The following TPR variants were observed in gnomAD, a reference collection of about 807,000 sequenced individuals.
TPR encodes nucleoprotein TPR.
TPR carries 51 observed loss-of-function variants against 316.1 expected under a neutral mutation model. That is an observed-to-expected ratio of 0.16 (90% CI 0.13 to 0.20). The LOEUF (loss-of-function observed/expected upper bound fraction) is 0.20, where lower values mean the gene tolerates loss of function less well. TPR is among the 10% of genes least tolerant of loss of function. The pLI, the probability that TPR is intolerant of heterozygous loss-of-function variation, is 1.00. For synonymous variants in TPR, 981 were observed against 914.7 expected, an observed-to-expected ratio of 1.07 and a Z score of -1.31; for missense variants, 2,272 against 2,754.8, an observed-to-expected ratio of 0.82 and a Z score of 3.92.
chr1:186,368,821 C>A (rs1377391103), intron 3 of TPR, among the ~76,000 whole-genome samples: 1 of 151,472 alleles, frequency 6.6e-6, no homozygotes, highest in Non-Finnish European at 1.5e-5. Context: ...ACAATCATTA[C>A]CAAGGCCAAT....
intron 30 of TPR, among the ~76,000 whole-genome samples, chr1:186,339,433 TTA>T (rs1318850826): frequency 6.6e-6 from 1 of 152,116 alleles, no homozygotes; most frequent in Non-Finnish European, 1.5e-5. Context: ...AGAGAAATAA[TTA>T]TGAGGATAGT....
chr1:186,363,032 G>T, intron 5 of TPR, 31 bp from the exon 6 acceptor site: 7 of 1,570,234 alleles, frequency 4.5e-6, no homozygotes, highest in Non-Finnish European at 5.1e-6. Flanking sequence ...AACACGTACA[G>T]TTAAAGATGA....
In TPR at chr1:186,313,440, A is replaced by G; in HGVS notation, c.*531T>C. The G allele has an allele frequency of 2.1e-6, 1 of 470,706 alleles. No individual in the cohort carries two copies. Among genetic ancestry groups the G allele is most frequent in the South Asian group, 2.7e-5 (1 of 37,100 alleles). 29.2% of individuals were successfully genotyped at this position (470,706 alleles called of 1,614,324 possible). A position where few individuals can be genotyped will look rare whatever the true frequency, so the allele number is the denominator to read the frequency against. On this transcript the variant is annotated 3_prime_UTR_variant, in exon 51 of 51. Transcript: ENST00000367478. The stretch of plus-strand genomic sequence containing the variant: ...GGTTACTCTTTAATGTTTACTTCAT[A>G]AAGGAGAGCTGAACCTGATTTTACA...
chr1:186,353,259 C>G (rs1658923248), intron 18 of TPR, among the ~76,000 whole-genome samples: 1 of 151,922 alleles, frequency 6.6e-6, no homozygotes, highest in South Asian at 2.1e-4. Context: ...GTAGTCCCAG[C>G]TACTCAGGAG....
chr1:186,331,388 A>G, intron 39 of TPR, 110 bp downstream of exon 39: 2 of 694,288 alleles, frequency 2.9e-6, no homozygotes, highest in Non-Finnish European at 2.4e-6. Context: ...TTCATTACAT[A>G]TAATAAGAAC....
chr1:186,333,641 T>A (rs559321812), intron 36 of TPR, among the ~76,000 whole-genome samples: 1 of 152,316 alleles, frequency 6.6e-6, no homozygotes, highest in East Asian at 1.9e-4. Context: ...TTCATTTAAA[T>A]TACTGTTGAA....
chr1:186,360,092 A>C, intron 11 of TPR, 96 bp from the exon 12 acceptor site: 1 of 1,406,154 alleles, frequency 7.1e-7, no homozygotes, highest in African/African-American at 1.4e-5. Flanking sequence ...ACACTAACAC[A>C]AAATGGCAAT....
intron 38 of TPR, 30 bp from the exon 39 acceptor site, chr1:186,331,611 A>G (rs781593611): frequency 3.4e-6 from 5 of 1,482,410 alleles, no homozygotes; most frequent in Non-Finnish European, 4.6e-6. Context: ...TATATTAACC[A>G]TATCAGTGTA....
intron 20 of TPR, 137 bp downstream of exon 20, chr1:186,351,193 T>C: frequency 1.1e-6 from 1 of 952,258 alleles, no homozygotes; most frequent in Non-Finnish European, 1.5e-6. Context: ...AATTACTGGG[T>C]ATAGAGTGAG....
intron 22 of TPR, among the ~76,000 whole-genome samples, 177 bp downstream of exon 22, chr1:186,347,115 T>C (rs1053623374): frequency 6.6e-6 from 1 of 152,188 alleles, no homozygotes. Flanking sequence ...CCTTGCTTCA[T>C]GAATTTTGTG....
intron 2 of TPR, among the ~76,000 whole-genome samples, chr1:186,372,968 C>G (rs903125121): frequency 6.6e-6 from 1 of 152,148 alleles, no homozygotes; most frequent in African/African-American, 2.4e-5. Flanking sequence ...ACAAGCCACT[C>G]TCTACTTCTT....
At chr1:186,349,552 C>A (rs1658790350) in intron 21 of TPR, among the ~76,000 whole-genome samples, 1 of 150,882 alleles carries the variant, frequency 6.6e-6, no homozygotes, top group East Asian at 1.9e-4. Flanking sequence ...CCCAGCTACT[C>A]GGGAGGCTGA....
At position 186,347,316 on chromosome 1, in the gene TPR, T is replaced by C. The variant is rs1479491643; in HGVS notation, c.2919A>G (p.Glu973=). The C allele has an allele frequency of 6.2e-7, 1 of 1,613,984 alleles. No individual in the cohort carries two copies. The highest frequency in any genetic ancestry group is 8.5e-7 in the Non-Finnish European group (1 of 1,179,942). Residue 973 remains glutamate, a synonymous_variant, in exon 22 of 51, where the codon GAA becomes GAG. Coordinates refer to ENST00000367478, the MANE Select transcript of TPR (RefSeq NM_003292.3). ...CCTGTTTTTCCTTGTTCAGGGATTCTTCTAAACTAGTAACCATTGCTTGAT... is the reference window on the plus strand; with the variant it reads ...CCTGTTTTTCCTTGTTCAGGGATTCCTCTAAACTAGTAACCATTGCTTGAT... ...EQYQAMVTSL[E]ESLNKEKQVT... is the part of the protein sequence containing the mutation.
chr1:186,338,973 A>T (rs1421989781), intron 30 of TPR, among the ~76,000 whole-genome samples: 1 of 152,184 alleles, frequency 6.6e-6, no homozygotes, highest in Non-Finnish European at 1.5e-5. Flanking sequence ...ATATCACAAA[A>T]ATTTGTAAGT....
Position 186,325,271 on chromosome 1 carries a change from T to G in TPR, c.6112+493A>C, listed in dbSNP as rs561821552. ...AAATTATTTTCTACGACTTCCATAC[T>G]CTTTTAATGCCCACAACTTTTCAGT... On this transcript the variant is annotated intron_variant, in intron 42 of 50. Coordinates refer to ENST00000367478, the MANE Select transcript of TPR (RefSeq NM_003292.3). 1.8e-4 allele frequency among the ~76,000 whole-genome samples: 28 copies of G among 152,312 alleles called. No individual in the cohort carries two copies. The East Asian group carries it at 5.4e-3, about 29-fold the overall frequency.
chr1:186,349,538 T>A (rs554151132), intron 21 of TPR, among the ~76,000 whole-genome samples: 30 of 151,432 alleles, frequency 2.0e-4, no homozygotes, highest in African/African-American at 6.8e-4. Flanking sequence ...CGGCCGCCTG[T>A]AGTCCCAGCT....
At chr1:186,319,410 T>G (rs34552348) in intron 46 of TPR, among the ~76,000 whole-genome samples, 14,074 of 152,200 alleles carry the variant, frequency 0.092, 961 homozygotes, top group East Asian at 0.38. Context: ...AGTATCCAAC[T>G]ATGGATGTTA....
At chr1:186,344,621 C>A (rs753942285) in intron 24 of TPR, 43 bp from the exon 25 acceptor site, 1 of 1,418,290 alleles carries the variant, frequency 7.1e-7, no homozygotes, top group Non-Finnish European at 9.3e-7. Flanking sequence ...GATTAAAAAT[C>A]CATAAAACTA....
At chr1:186,340,349 A>C (rs1020859154) in intron 29 of TPR, among the ~76,000 whole-genome samples, 5 of 152,160 alleles carry the variant, frequency 3.3e-5, no homozygotes, top group Admixed American at 6.5e-5. Context: ...AGTATGTTAC[A>C]TGGTTTCATC....
Sources: gnomAD v4.1 joint callset for allele counts (sites outside exome capture counted in the v4.1 genomes callset) on GRCh38, gnomAD v4.1.1 for gene constraint, MANE v1.5 for transcripts, NCBI Gene and HGNC (gene_info 2026-07-23, HGNC 2026-07-21) for gene names.